Variants in ATG4A observed in about 807,000 individuals in gnomAD.
ATG4A encodes autophagy related 4A cysteine peptidase.
Under a neutral mutation model 38.4 loss-of-function variants are expected in ATG4A, and 22 were observed. The observed-to-expected ratio is 0.57, with a 90% confidence interval of 0.41 to 0.82. The LOEUF is 0.82. Ranked by LOEUF, ATG4A falls within the 40% of genes least tolerant of loss-of-function variation. The pLI is 0.00. For missense variants in ATG4A, 220 were observed against 290.0 expected (o/e 0.76, Z 1.75); for synonymous variants, 86 against 100.7 (o/e 0.85, Z 0.88).
intron 1 of ATG4A, among the ~76,000 whole-genome samples, chrX:108,111,039 G>T (rs1391848934): frequency 1.8e-5 from 2 of 110,624 alleles, no homozygotes; most frequent in Non-Finnish European, 3.8e-5. Context: ...GAGTAGCTTG[G>T]ATCACAGGCA....
At chrX:108,142,461 A>C (rs938915369) in intron 9 of ATG4A, among the ~76,000 whole-genome samples, 2 of 109,904 alleles carry the variant, frequency 1.8e-5, no homozygotes, top group Non-Finnish European at 3.8e-5. Flanking sequence ...ATATACATAT[A>C]TATGTGTGAA....
intron 1 of ATG4A, among the ~76,000 whole-genome samples, chrX:108,106,140 AT>A (rs745847550): frequency 1.1e-3 from 110 of 103,899 alleles, no homozygotes; most frequent in Middle Eastern, 5.0e-3. Context: ...AGTTCAAGGT[AT>A]TTTTTTTTTT....
At chrX:108,094,312 T>C (rs1473555446) in intron 1 of ATG4A, among the ~76,000 whole-genome samples, 1 of 112,139 alleles carries the variant, frequency 8.9e-6, no homozygotes, top group African/African-American at 3.2e-5. Context: ...CCTAGCACCA[T>C]TTGCTGAATC....
At chrX:108,145,380 G>GGT (rs2033398979) in intron 9 of ATG4A, among the ~76,000 whole-genome samples, 1 of 112,540 alleles carries the variant, frequency 8.9e-6, no homozygotes, top group African/African-American at 3.2e-5. Flanking sequence ...AATTGCTTCT[G>GGT]GTGGGCCTCA....
chrX:108,129,656 C>T lies in ATG4A; in HGVS notation c.193+804C>T, dbSNP rs1406413418. On this transcript the variant is annotated intron_variant, in intron 3 of 12. Transcript: ENST00000372232. The stretch of plus-strand genomic sequence containing the variant: ...CGCCATCTCGGCTCATTGCAAGCTC[C>T]GCCTCCTGGGTTCACGCCATTCTCC... Among the ~76,000 whole-genome samples, 17 of 107,017 alleles carry T rather than the reference C, an allele frequency of 1.6e-4. No individual in the cohort carries two copies. In the Middle Eastern group the frequency reaches 0.019, roughly 120 times the overall value. The allele number at this position is 107,017 out of a possible 115,157, so 92.9% of individuals were successfully genotyped here.
upstream of ATG4A, among the ~76,000 whole-genome samples, chrX:108,090,206 C>T (rs1346192558): frequency 1.8e-5 from 2 of 112,211 alleles, 1 homozygote; most frequent in South Asian, 7.4e-4. Flanking sequence ...AAAATTAACA[C>T]TAACTCCTTT....
chrX:108,110,200 A>AC (rs748759916), intron 1 of ATG4A, among the ~76,000 whole-genome samples: 1 of 79,553 alleles, frequency 1.3e-5, no homozygotes, highest in Admixed American at 1.4e-4. Context: ...CCCTGTCTCC[A>AC]CAAAAAAAAA....
At chrX:108,122,628 C>T (rs1041607066) in intron 1 of ATG4A, among the ~76,000 whole-genome samples, 2 of 111,622 alleles carry the variant, frequency 1.8e-5, no homozygotes, top group African/African-American at 6.5e-5. Context: ...TGTCATTATT[C>T]GATCTGTCTG....
chrX:108,152,461 C>T (rs2033615440), intron 11 of ATG4A, among the ~76,000 whole-genome samples: 1 of 111,154 alleles, frequency 9.0e-6, no homozygotes, highest in Non-Finnish European at 1.9e-5. Flanking sequence ...CTTGAACTGA[C>T]CACAGGTGAT....
Position 108,128,527 on chromosome X carries a change from T to C in ATG4A, c.122-254T>C, listed in dbSNP as rs1246908186. Among the ~76,000 whole-genome samples, 3 of 111,727 alleles carry C rather than the reference T, an allele frequency of 2.7e-5. No individual in the cohort carries two copies. The Admixed American group carries it at 2.9e-4, about 11-fold the overall frequency. On this transcript the variant is annotated intron_variant, in intron 2 of 12. Coordinates refer to ENST00000372232, the MANE Select transcript of ATG4A (RefSeq NM_052936.5). ...TCCCAGTGTTTGTAACTGCCAGGAC[T>C]GTGGAACTCAGTGAAAAGATGACAG...
intron 1 of ATG4A, among the ~76,000 whole-genome samples, chrX:108,122,015 TAAGG>T (rs1469726674): frequency 2.7e-5 from 3 of 111,899 alleles, no homozygotes; most frequent in Non-Finnish European, 3.8e-5. Flanking sequence ...GAAAGACCTA[TAAGG>T]AGGTTATCCT....
At chrX:108,149,356 C>T (rs1423036800) in intron 9 of ATG4A, among the ~76,000 whole-genome samples, 1 of 112,806 alleles carries the variant, frequency 8.9e-6, no homozygotes, top group Admixed American at 9.3e-5. Context: ...ATTAGAGGGA[C>T]TGTCAGCCCT....
At chrX:108,125,128 A>G (rs1453153705) in intron 1 of ATG4A, among the ~76,000 whole-genome samples, 2 of 112,214 alleles carry the variant, frequency 1.8e-5, no homozygotes, top group Non-Finnish European at 3.8e-5. Context: ...TTTACTGTTT[A>G]TAATATAATT....
At position 108,096,687 on chromosome X, in the gene ATG4A, G is replaced by GTATGT. The variant is rs778830866; in HGVS notation, c.10+4875_10+4879dup. ...TTTTATTATTTTATTTTATTTTATT[G>GTATGT]TATGTTATGTTATGTTATGTTATGT... On this transcript the variant is annotated intron_variant, in intron 1 of 12. Coordinates refer to ENST00000372232, the MANE Select transcript of ATG4A (RefSeq NM_052936.5). Among the ~76,000 whole-genome samples, 782 of 108,856 alleles carry GTATGT rather than the reference G, an allele frequency of 7.2e-3. 3 individuals are homozygous for GTATGT. Among genetic ancestry groups the GTATGT allele is most frequent in the African/African-American group, 9.3e-3 (276 of 29,657 alleles). 94.5% of individuals were successfully genotyped at this position (108,856 alleles called of 115,157 possible). A position where few individuals can be genotyped will look rare whatever the true frequency, so the allele number is the denominator to read the frequency against.
In ATG4A at chrX:108,148,802, A is replaced by G. The variant is rs1424240731; in HGVS notation, c.815-1350A>G. Among the ~76,000 whole-genome samples, 3 of 111,862 alleles carry G rather than the reference A, an allele frequency of 2.7e-5. No homozygotes were observed. The East Asian group carries it at 8.4e-4, about 31-fold the overall frequency. On this transcript the variant is annotated intron_variant, in intron 9 of 12. Coordinates refer to ENST00000372232, the MANE Select transcript of ATG4A (RefSeq NM_052936.5). ...TGCCCACCTGTGGTCTAGGGGAAAA[A>G]CATCTACCTTGACTTTCATAAAGCA...
chrX:108,143,018 C>G (rs1339251768), intron 9 of ATG4A, among the ~76,000 whole-genome samples: 1 of 111,823 alleles, frequency 8.9e-6, no homozygotes, highest in African/African-American at 3.3e-5. Context: ...ATACAACTAT[C>G]CTTCGTACAA....
chrX:108,137,289 A>C, intron 7 of ATG4A, 119 bp downstream of exon 7: 1 of 538,640 alleles, frequency 1.9e-6, no homozygotes, highest in East Asian at 4.0e-5. Flanking sequence ...AGGGGAGCTT[A>C]GGGGAGCACA....
At chrX:108,116,801 C>T (rs1259812298) in intron 1 of ATG4A, among the ~76,000 whole-genome samples, 4 of 111,851 alleles carry the variant, frequency 3.6e-5, no homozygotes, top group African/African-American at 1.3e-4. Flanking sequence ...ATTCCACAGT[C>T]TCTTAGCCTT....
At chrX:108,117,316 C>A (rs2032537191) in intron 1 of ATG4A, among the ~76,000 whole-genome samples, 1 of 111,311 alleles carries the variant, frequency 9.0e-6, no homozygotes, top group Non-Finnish European at 1.9e-5. Flanking sequence ...AGAGAGATAA[C>A]ATGTCCACAA....
Sources: gnomAD v4.1 joint callset for allele counts (sites outside exome capture counted in the v4.1 genomes callset) on GRCh38, gnomAD v4.1.1 for gene constraint, MANE v1.5 for transcripts, NCBI Gene and HGNC (gene_info 2026-07-23, HGNC 2026-07-21) for gene names.